Variants in GAN observed in about 807,000 individuals in gnomAD.
GAN encodes epididymis secretory sperm binding protein.
In GAN, 48 loss-of-function variants were observed where a neutral mutation model predicts 71.3. The ratio of observed to expected loss-of-function variants is 0.67; its 90% confidence interval spans 0.53 to 0.86. The LOEUF (loss-of-function observed/expected upper bound fraction) is 0.86, where lower values mean the gene tolerates loss of function less well. Ranked by LOEUF, GAN falls within the 40% of genes least tolerant of loss-of-function variation. GAN has a pLI of 0.00. For missense variants in GAN, 928 were observed against 770.1 expected (o/e 1.21, Z -2.43); for synonymous variants, 386 against 276.8 (o/e 1.39, Z -3.92).
At chr16:81,334,293 T>A (rs1909681972) in intron 1 of GAN, among the ~76,000 whole-genome samples, 1 of 152,192 alleles carries the variant, frequency 6.6e-6, no homozygotes, top group Non-Finnish European at 1.5e-5. Context: ...GATAGGACTG[T>A]GGCTGTGGCC....
At chr16:81,319,290 T>G (rs1332081965) in intron 1 of GAN, among the ~76,000 whole-genome samples, 1 of 151,514 alleles carries the variant, frequency 6.6e-6, no homozygotes, top group Admixed American at 6.6e-5. Flanking sequence ...GAGCCTTTTC[T>G]TTCTCATCAA....
At chr16:81,340,149 C>G (rs4889308) in intron 1 of GAN, among the ~76,000 whole-genome samples, 121,612 of 152,068 alleles carry the variant, frequency 0.8, 48,963 homozygotes, top group East Asian at 0.95. Context: ...GTGTTGCCCA[C>G]AATGGTCTTG....
intron 1 of GAN, among the ~76,000 whole-genome samples, chr16:81,345,314 C>A (rs557043226): frequency 1.3e-5 from 2 of 152,088 alleles, no homozygotes; most frequent in Admixed American, 6.6e-5. Flanking sequence ...ATGTTTGATG[C>A]GGCACTATTC....
intron 9 of GAN, among the ~76,000 whole-genome samples, chr16:81,366,023 C>T (rs370699305): frequency 2.0e-5 from 3 of 152,216 alleles, no homozygotes; most frequent in Admixed American, 1.3e-4. Flanking sequence ...CAGCTCTGTT[C>T]GTATTGCTGC....
chr16:81,365,741 T>A (rs1910835305), intron 9 of GAN, among the ~76,000 whole-genome samples: 1 of 151,874 alleles, frequency 6.6e-6, no homozygotes, highest in Non-Finnish European at 1.5e-5. Flanking sequence ...CTATAGCTTT[T>A]AGGAAAAAGT....
chr16:81,322,347 CAGCA>C (rs1909248943), intron 1 of GAN, among the ~76,000 whole-genome samples: 1 of 152,190 alleles, frequency 6.6e-6, no homozygotes, highest in Non-Finnish European at 1.5e-5. Flanking sequence ...TAAGACATCT[CAGCA>C]GCGGCTAGGT....
chr16:81,369,025 C>G (rs1423458741), intron 9 of GAN, among the ~76,000 whole-genome samples: 4 of 152,202 alleles, frequency 2.6e-5, no homozygotes, highest in Non-Finnish European at 5.9e-5. Context: ...ATCGTATACT[C>G]CAGCTCACTT....
chr16:81,355,807 A>G (rs1910466508), intron 3 of GAN, among the ~76,000 whole-genome samples: 1 of 152,144 alleles, frequency 6.6e-6, no homozygotes, highest in South Asian at 2.1e-4. Flanking sequence ...TTAAAACTGG[A>G]CTGTTAAATT....
intron 3 of GAN, among the ~76,000 whole-genome samples, chr16:81,355,977 A>T (rs989399723): frequency 1.3e-5 from 2 of 152,212 alleles, no homozygotes; most frequent in Non-Finnish European, 2.9e-5. Context: ...TAGAAAAATG[A>T]GAAAAATTTC....
rs1001596729 is a variant in GAN at position 81,377,635 on chromosome 16, G to A, written c.*39G>A. On this transcript the variant is annotated 3_prime_UTR_variant, in exon 11 of 11. Coordinates refer to ENST00000648994, the MANE Select transcript of GAN (RefSeq NM_022041.4). ...CAGAGTGCGAGATCCTGACCCAAGAGCACCATAACATAGCTCCGAAAGGGA... is the reference window on the plus strand; with the variant it reads ...CAGAGTGCGAGATCCTGACCCAAGAACACCATAACATAGCTCCGAAAGGGA... 4 of 1,567,076 alleles carry A rather than the reference G, an allele frequency of 2.6e-6. No individual in the cohort carries two copies. The highest frequency in any genetic ancestry group is 1.7e-5 in the Admixed American group (1 of 59,958).
intron 1 of GAN, among the ~76,000 whole-genome samples, chr16:81,344,801 C>G (rs577853018): frequency 2.0e-5 from 3 of 152,314 alleles, no homozygotes; most frequent in African/African-American, 7.2e-5. Flanking sequence ...AAACTACCCT[C>G]AGAGTGAACG....
intron 7 of GAN, 84 bp from the exon 8 acceptor site, chr16:81,364,890 G>T: frequency 2.2e-6 from 3 of 1,337,286 alleles, no homozygotes; most frequent in Non-Finnish European, 3.2e-6. Flanking sequence ...ATCTCTTTAA[G>T]TATGGCCCAG....
At position 81,388,178 on chromosome 16, in the gene GAN, A is replaced by T. The variant is rs1904459548; in HGVS notation, c.*10582A>T. Reference sequence around the variant, plus strand: ...TCACTCTTCTTGGGATAGCTTTCCCACCCTGCCCTCTGCTCCTCTGTCCCA... The same window carrying T: ...TCACTCTTCTTGGGATAGCTTTCCCTCCCTGCCCTCTGCTCCTCTGTCCCA... On this transcript the variant is annotated 3_prime_UTR_variant, in exon 11 of 11. Coordinates refer to ENST00000648994, the MANE Select transcript of GAN (RefSeq NM_022041.4). 6.6e-6 allele frequency: 1 copy of T among 152,062 alleles called. No homozygotes were observed. Among genetic ancestry groups the T allele is most frequent in the Non-Finnish European group, 1.5e-5 (1 of 68,020 alleles). 9.4% of individuals were successfully genotyped at this position (152,062 alleles called of 1,614,324 possible). A position where few individuals can be genotyped will look rare whatever the true frequency, so the allele number is the denominator to read the frequency against.
At chr16:81,335,034 G>A (rs1474128558) in intron 1 of GAN, among the ~76,000 whole-genome samples, 2 of 151,888 alleles carry the variant, frequency 1.3e-5, no homozygotes, top group Admixed American at 6.6e-5. Context: ...ATAAAGCAAG[G>A]GAAGGGGGTT....
At chr16:81,367,727 C>T (rs1293483019) in intron 9 of GAN, among the ~76,000 whole-genome samples, 4 of 152,208 alleles carry the variant, frequency 2.6e-5, no homozygotes, top group East Asian at 1.9e-4. Context: ...CACTCTGAAG[C>T]GCATGTAGGT....
intron 1 of GAN, among the ~76,000 whole-genome samples, chr16:81,327,276 G>A (rs1909421774): frequency 6.6e-6 from 1 of 152,204 alleles, no homozygotes; most frequent in Non-Finnish European, 1.5e-5. Context: ...AAGTTGTTTG[G>A]AGAAGTTTAT....
chr16:81,354,518 G>T lies in GAN; in HGVS notation c.396G>T (p.Glu132Asp). Residue 132 changes from glutamate to aspartate, a missense_variant, in exon 3 of 11, where the codon GAG (glutamate) becomes GAT (aspartate). By Grantham distance (45) the Glu-to-Asp change is conservative. Transcript: ENST00000648994. ...TTTTGGAAGGCTGCATTGCTGCTGA[G>T]AACTGTATTGGTATCCGTGACTTTG... The part of the protein sequence containing the change: ...CEFLEGCIAA[E>D]NCIGIRDFAL... The T allele has an allele frequency of 6.2e-7, 1 of 1,614,002 alleles. No homozygotes were observed. The highest frequency in any genetic ancestry group is 8.5e-7 in the Non-Finnish European group (1 of 1,179,884).
At position 81,354,761 on chromosome 16, in the gene GAN, T is replaced by G; in HGVS notation, c.633+6T>G. The G allele has an allele frequency of 2.7e-5, 38 of 1,432,606 alleles. No individual in the cohort carries two copies. The highest frequency in any genetic ancestry group is 3.4e-5 in the Non-Finnish European group (35 of 1,014,996). 88.7% of individuals were successfully genotyped at this position (1,432,606 alleles called of 1,614,324 possible). On this transcript the variant is annotated splice_donor_region_variant and intron_variant, in intron 3 of 10. Coordinates refer to ENST00000648994, the MANE Select transcript of GAN (RefSeq NM_022041.4). The stretch of plus-strand genomic sequence containing the variant: ...ATGATACAGAAATAAGAAAGGTACC[T>G]GTCATTTATAACATGGTCAAATTTG...
chr16:81,334,518 G>T (rs1259801889), intron 1 of GAN, among the ~76,000 whole-genome samples: 2 of 152,194 alleles, frequency 1.3e-5, no homozygotes, highest in African/African-American at 4.8e-5. Flanking sequence ...GAGATGGGGT[G>T]CAACTAGGTT....
Sources: gnomAD v4.1 joint callset for allele counts (sites outside exome capture counted in the v4.1 genomes callset) on GRCh38, gnomAD v4.1.1 for gene constraint, MANE v1.5 for transcripts, NCBI Gene and HGNC (gene_info 2026-07-23, HGNC 2026-07-21) for gene names.